Variants in LPP observed in about 807,000 individuals in gnomAD.
The protein encoded by LPP is lipoma-preferred partner.
Under a neutral mutation model 60.4 loss-of-function variants are expected in LPP, and 38 were observed. The observed-to-expected ratio is 0.63, with a 90% CI of 0.49 to 0.83. The LOEUF (loss-of-function observed/expected upper bound fraction) is 0.83, where lower values mean the gene tolerates loss of function less well. Among genes scored for constraint, LPP ranks in the 40% least tolerant of loss-of-function variants. The pLI is 0.00. For synonymous variants in LPP, 328 were observed against 290.8 expected (o/e 1.13, Z -1.30); for missense variants, 902 against 783.6 (o/e 1.15, Z -1.80).
intron 2 of LPP, among the ~76,000 whole-genome samples, chr3:188,332,908 C>T (rs1760522271): frequency 7.3e-6 from 1 of 136,860 alleles, no homozygotes; most frequent in South Asian, 2.9e-4. Flanking sequence ...TCACCTTCAC[C>T]CCCACCCTCC....
chr3:188,807,239 T>G (rs1749438486), intron 9 of LPP, among the ~76,000 whole-genome samples: 2 of 152,058 alleles, frequency 1.3e-5, no homozygotes, highest in Non-Finnish European at 2.9e-5. Flanking sequence ...TATGAATTTT[T>G]GTTTTCTGAC....
intron 2 of LPP, among the ~76,000 whole-genome samples, chr3:188,331,705 C>T (rs1376373578): frequency 6.6e-6 from 1 of 152,026 alleles, no homozygotes; most frequent in African/African-American, 2.4e-5. Context: ...TCCTGATGTC[C>T]AACTCTAAGG....
In LPP at chr3:188,208,409, G is replaced by A. The variant is rs1733869541; in HGVS notation, c.-189-16996G>A. 4 of 152,404 alleles carry A rather than the reference G, an allele frequency of 2.6e-5. No individual in the cohort carries two copies. The South Asian group carries it at 8.3e-4, about 32-fold the overall frequency. 9.4% of individuals were successfully genotyped at this position (152,404 alleles called of 1,614,324 possible). Reference sequence around the variant, plus strand: ...GGGTAAGCTTCTGTGAGCCGGGCTGGGAGGTTTAGTGGGTTGGAGATTACT... The same window carrying A: ...GGGTAAGCTTCTGTGAGCCGGGCTGAGAGGTTTAGTGGGTTGGAGATTACT... On this transcript the variant is annotated intron_variant, in intron 1 of 11. Transcript: ENST00000617246.
chr3:188,532,874 G>T (rs1402243752), intron 6 of LPP, among the ~76,000 whole-genome samples: 1 of 152,200 alleles, frequency 6.6e-6, no homozygotes, highest in African/African-American at 2.4e-5. Context: ...GCCTTTGAAG[G>T]TTGGGGGCTG....
chr3:188,509,859 ATTT>A, intron 5 of LPP, among the ~76,000 whole-genome samples: 1 of 103,608 alleles, frequency 9.7e-6, no homozygotes, highest in African/African-American at 3.5e-5. Context: ...TGCCTGGCTA[ATTT>A]TTTTTTTGTT....
At chr3:188,788,830 G>T (rs1407038725) in intron 9 of LPP, among the ~76,000 whole-genome samples, 2 of 152,144 alleles carry the variant, frequency 1.3e-5, no homozygotes, top group Non-Finnish European at 2.9e-5. Flanking sequence ...TGTGAATCTT[G>T]CCAGCACTCA....
In LPP at chr3:188,694,650, C is replaced by T. The variant is rs930923918; in HGVS notation, c.1114-13617C>T. 2.7e-5 allele frequency among the ~76,000 whole-genome samples: 4 copies of T among 150,332 alleles called. No individual in the cohort carries two copies. In the South Asian group the frequency reaches 6.3e-4, roughly 24 times the overall value. ...CCGGGAGTCAGAGGTTGCGGTGAGCCGAGATGTTGCCATTGCACACTGAGC... is the reference window on the plus strand; with the variant it reads ...CCGGGAGTCAGAGGTTGCGGTGAGCTGAGATGTTGCCATTGCACACTGAGC... On this transcript the variant is annotated intron_variant, in intron 7 of 11. Coordinates refer to ENST00000617246, the MANE Select transcript of LPP (RefSeq NM_001375462.1).
intron 5 of LPP, among the ~76,000 whole-genome samples, chr3:188,513,111 G>A (rs923558057): frequency 6.6e-6 from 1 of 152,106 alleles, no homozygotes; most frequent in African/African-American, 2.4e-5. Context: ...AGGATTCCTG[G>A]AAAAATATCC....
At chr3:188,580,476 A>G (rs551703934) in intron 6 of LPP, among the ~76,000 whole-genome samples, 30 of 152,266 alleles carry the variant, frequency 2.0e-4, no homozygotes, top group Non-Finnish European at 4.0e-4. Context: ...GAGATGGCTG[A>G]CACCTTCTAA....
chr3:188,369,250 T>C (rs916286127), intron 3 of LPP, among the ~76,000 whole-genome samples: 1 of 152,156 alleles, frequency 6.6e-6, no homozygotes, highest in Non-Finnish European at 1.5e-5. Flanking sequence ...CTGAGTTTCT[T>C]GTTTTAGGCA....
At chr3:188,871,591 T>A (rs1002286629) in intron 10 of LPP, among the ~76,000 whole-genome samples, 1 of 152,214 alleles carries the variant, frequency 6.6e-6, no homozygotes, top group Non-Finnish European at 1.5e-5. Flanking sequence ...TTTTTAAGTC[T>A]CACTACAAAT....
chr3:188,863,969 A>G lies in LPP; in HGVS notation c.1411-2231A>G, dbSNP rs1578046075. ...ACAGGGCTGACTAAAAAAAAAAAAA[A>G]AAAAGTAAAAACCCACAGAGGAGCA... On this transcript the variant is annotated intron_variant, in intron 9 of 11. Coordinates refer to ENST00000617246, the MANE Select transcript of LPP (RefSeq NM_001375462.1). Among the ~76,000 whole-genome samples, 5 of 151,800 alleles carry G rather than the reference A, an allele frequency of 3.3e-5. No individual in the cohort carries two copies. In the South Asian group the frequency reaches 8.3e-4, roughly 25 times the overall value.
chr3:188,348,393 C>T (rs754512642), intron 3 of LPP, among the ~76,000 whole-genome samples: 3 of 152,132 alleles, frequency 2.0e-5, no homozygotes, highest in Non-Finnish European at 4.4e-5. Context: ...GGTGATCCAC[C>T]TGCCTCAGCC....
intron 7 of LPP, among the ~76,000 whole-genome samples, chr3:188,656,535 C>T (rs1351826274): frequency 6.6e-6 from 1 of 152,242 alleles, no homozygotes; most frequent in Non-Finnish European, 1.5e-5. Flanking sequence ...TTCTGCTCAC[C>T]TGCCAAGGCC....
chr3:188,509,349 T>C (rs1162109911), intron 5 of LPP, among the ~76,000 whole-genome samples: 1 of 152,188 alleles, frequency 6.6e-6, no homozygotes, highest in Non-Finnish European at 1.5e-5. Flanking sequence ...CCTTATTTCA[T>C]AAGAAGACAC....
intron 1 of LPP, among the ~76,000 whole-genome samples, chr3:188,186,400 G>A (rs13096361): frequency 0.062 from 9,491 of 152,170 alleles, 433 homozygotes; most frequent in East Asian, 0.17. Flanking sequence ...TAGAGAAGGG[G>A]AAAGAGAAGT....
rs139075681 is a variant in LPP at position 188,708,295 on chromosome 3, C to T, written c.1142C>T (p.Ser381Leu). Residue 381 changes from serine to leucine, a missense_variant, in exon 8 of 12, where the codon TCG becomes TTG. Ser to Leu is a moderately radical substitution (Grantham distance 145). Transcript: ENST00000617246. ...KGGHSGQLGP[S>L]SVAPSFRPED... ...GGCCATTCAGGGCAACTGGGGCCTT[C>T]GTCAGTTGCCCCTTCATTCCGCCCA... is the stretch of plus-strand genomic sequence containing the variant. 3.2e-4 allele frequency: 519 copies of T among 1,614,110 alleles called. 2 individuals carry two copies. Among genetic ancestry groups the T allele is most frequent in the Non-Finnish European group, 4.0e-4 (474 of 1,179,986 alleles).
chr3:188,240,477 T>C (rs2149449805), intron 2 of LPP, among the ~76,000 whole-genome samples: 1 of 152,040 alleles, frequency 6.6e-6, no homozygotes, highest in East Asian at 1.9e-4. Context: ...AATTTCTGAG[T>C]TGGAAGGAAG....
Position 188,669,834 on chromosome 3 carries a change from C to A in LPP, c.1114-38433C>A, listed in dbSNP as rs140268473. Among the ~76,000 whole-genome samples, 128 of 152,240 alleles carry A rather than the reference C, an allele frequency of 8.4e-4. 1 individual carries two copies. The highest frequency in any genetic ancestry group is 2.8e-3 in the African/African-American group (116 of 41,526). ...TTTACTGCAGCACTCTTCACAATAG[C>A]AAAGACTTGGAACCAACCCAAATGT... On this transcript the variant is annotated intron_variant, in intron 7 of 11. Coordinates refer to ENST00000617246, the MANE Select transcript of LPP (RefSeq NM_001375462.1).
Sources: allele counts gnomAD v4.1 joint callset (sites outside exome capture counted in the v4.1 genomes callset), GRCh38; gene constraint gnomAD v4.1.1; transcripts MANE v1.5; gene names NCBI Gene and HGNC (gene_info 2026-07-23, HGNC 2026-07-21).